The following UGT1A6 variants were observed in gnomAD, a reference collection of about 807,000 sequenced individuals.
UGT1A6 encodes UDP glucuronosyltransferase family 1 member A6.
UGT1A6 carries 32 observed loss-of-function variants against 44.4 expected under a neutral mutation model. That is an observed-to-expected ratio of 0.72 (90% CI 0.54 to 0.97). UGT1A6 has a LOEUF of 0.97. UGT1A6 is among the 50% of genes least tolerant of loss of function. UGT1A6 has a pLI of 0.00. For missense variants in UGT1A6, 685 were observed against 661.9 expected (o/e 1.03, Z -0.38); for synonymous variants, 238 against 248.5 (o/e 0.96, Z 0.40).
intron 1 of UGT1A6, among the ~76,000 whole-genome samples, chr2:233,694,285 G>A (rs1303012674): frequency 6.6e-6 from 1 of 151,386 alleles, no homozygotes; most frequent in African/African-American, 2.4e-5. Flanking sequence ...AGCCCAATCT[G>A]CCCAAAGGCC....
chr2:233,729,524 A>G, intron 1 of UGT1A6: 1 of 1,614,234 alleles, frequency 6.2e-7, no homozygotes, highest in South Asian at 1.1e-5. Flanking sequence ...GAGCTACTAC[A>G]TAATGAGGCC....
At chr2:233,712,490 G>T (rs916274893) in intron 1 of UGT1A6, among the ~76,000 whole-genome samples, 2 of 152,158 alleles carry the variant, frequency 1.3e-5, no homozygotes, top group Admixed American at 1.3e-4. Context: ...AAGAAAGCTG[G>T]CTTAGCAATG....
At chr2:233,761,241 A>G in intron 1 of UGT1A6, 1 of 1,611,640 alleles carries the variant, frequency 6.2e-7, no homozygotes, top group Non-Finnish European at 8.5e-7. Context: ...TATGCTGAGC[A>G]AGCATTCTGA....
chr2:233,730,024 T>A (rs1022627544), intron 1 of UGT1A6: 1 of 1,613,646 alleles, frequency 6.2e-7, no homozygotes, highest in Non-Finnish European at 8.5e-7. Flanking sequence ...CCAATCAATG[T>A]TCCAGGCAAA....
At chr2:233,729,403 G>A (rs1559374235) in intron 1 of UGT1A6, 1 of 1,613,838 alleles carries the variant, frequency 6.2e-7, no homozygotes, top group Non-Finnish European at 8.5e-7. Flanking sequence ...TGATCGCCAT[G>A]TGCTGGGCCA....
chr2:233,701,652 C>T (rs1426391731), intron 1 of UGT1A6, among the ~76,000 whole-genome samples: 1 of 152,198 alleles, frequency 6.6e-6, no homozygotes. Flanking sequence ...GTCTCTCAGA[C>T]CACAGTGCAA....
At chr2:233,736,477 G>A (rs565407070) in intron 1 of UGT1A6, among the ~76,000 whole-genome samples, 3 of 152,154 alleles carry the variant, frequency 2.0e-5, no homozygotes, top group African/African-American at 7.2e-5. Context: ...GCTTGGAGAG[G>A]TTTGTTACTA....
At chr2:233,701,304 C>T (rs2075621938) in intron 1 of UGT1A6, among the ~76,000 whole-genome samples, 1 of 152,082 alleles carries the variant, frequency 6.6e-6, no homozygotes, top group African/African-American at 2.4e-5. Context: ...CACTGTCTTC[C>T]ACAATGGTTG....
chr2:233,726,371 C>T (rs1294856696), intron 1 of UGT1A6, among the ~76,000 whole-genome samples: 5 of 152,074 alleles, frequency 3.3e-5, no homozygotes, highest in Non-Finnish European at 2.9e-5. Context: ...ACAACAAAAA[C>T]CAAAATTGCT....
chr2:233,762,256 A>G lies in UGT1A6; in HGVS notation c.862-4778A>G, dbSNP rs529163977. Among the ~76,000 whole-genome samples, 14 of 152,334 alleles carry G rather than the reference A, an allele frequency of 9.2e-5. No homozygotes were observed. In the South Asian group the frequency reaches 1.5e-3, roughly 16 times the overall value. On this transcript the variant is annotated intron_variant, in intron 1 of 4. Coordinates refer to ENST00000305139, the MANE Select transcript of UGT1A6 (RefSeq NM_001072.4). ...AAGGCACAGAATAGGCACCCACCGA[A>G]TATGTGTTACATTAATGAATGAGAA...
intron 1 of UGT1A6, among the ~76,000 whole-genome samples, chr2:233,724,108 C>G (rs1455095780): frequency 1.8e-5 from 1 of 55,862 alleles, no homozygotes. Flanking sequence ...TAGGGGCGGC[C>G]GGGCAGAGGC....
chr2:233,734,099 A>G (rs1454975810), intron 1 of UGT1A6, among the ~76,000 whole-genome samples: 11 of 151,694 alleles, frequency 7.3e-5, no homozygotes, highest in African/African-American at 2.7e-4. Flanking sequence ...TAAAACTTAA[A>G]GTATAATAAT....
At chr2:233,723,129 G>A (rs1366176917) in intron 1 of UGT1A6, among the ~76,000 whole-genome samples, 2 of 137,690 alleles carry the variant, frequency 1.5e-5, no homozygotes, top group Non-Finnish European at 3.1e-5. Context: ...TTTCTGTACA[G>A]TACCAATTCT....
At chr2:233,722,022 T>C (rs2076987174) in intron 1 of UGT1A6, 2 of 248,590 alleles carry the variant, frequency 8.0e-6, no homozygotes, top group Non-Finnish European at 1.6e-5. Flanking sequence ...AACTGAAACC[T>C]CTTGAATTGC....
intron 1 of UGT1A6, chr2:233,718,664 G>C: frequency 6.5e-7 from 1 of 1,540,864 alleles, no homozygotes; most frequent in Non-Finnish European, 8.7e-7. Flanking sequence ...GGCAGTTATA[G>C]ATTAATGGGT....
chr2:233,758,756 G>A (rs1321245048), intron 1 of UGT1A6, among the ~76,000 whole-genome samples: 1 of 152,198 alleles, frequency 6.6e-6, no homozygotes, highest in Non-Finnish European at 1.5e-5. Context: ...GGCCAGTGAT[G>A]TGTATGGTTC....
At chr2:233,718,625 T>G in intron 1 of UGT1A6, 2 of 913,422 alleles carry the variant, frequency 2.2e-6, no homozygotes, top group Non-Finnish European at 2.6e-6. Context: ...GCGTGATTGG[T>G]CTTTCCCAGG....
intron 1 of UGT1A6, among the ~76,000 whole-genome samples, chr2:233,733,838 T>C (rs1373301962): frequency 1.3e-5 from 2 of 152,026 alleles, no homozygotes; most frequent in Non-Finnish European, 2.9e-5. Context: ...TTAGGGAGGA[T>C]TCCCTCTTTT....
At chr2:233,710,950 C>G (rs1381804329) in intron 1 of UGT1A6, among the ~76,000 whole-genome samples, 1 of 152,180 alleles carries the variant, frequency 6.6e-6, no homozygotes, top group Non-Finnish European at 1.5e-5. Context: ...TTGTTTATGT[C>G]TCTGAGATTG....
Sources: allele counts gnomAD v4.1 joint callset (sites outside exome capture counted in the v4.1 genomes callset), GRCh38; gene constraint gnomAD v4.1.1; transcripts MANE v1.5; gene names NCBI Gene and HGNC (gene_info 2026-07-23, HGNC 2026-07-21).